Variants in PTPRF observed in about 807,000 individuals in gnomAD.
PTPRF encodes the protein protein tyrosine phosphatase receptor type F, also known as receptor-type tyrosine-protein phosphatase F.
PTPRF carries 59 observed loss-of-function variants against 201.8 expected under a neutral mutation model. That is an observed-to-expected ratio of 0.29 (90% CI 0.24 to 0.36). The LOEUF (loss-of-function observed/expected upper bound fraction) is 0.36, where lower values mean the gene tolerates loss of function less well. Among genes scored for constraint, PTPRF ranks in the 10% least tolerant of loss-of-function variants. The probability of loss-of-function intolerance (pLI) is 1.00; values close to 1 mark genes in which losing one functional copy is unlikely to be tolerated. For synonymous variants in PTPRF, 1,088 were observed against 1,089.7 expected, an observed-to-expected ratio of 1.00 and a Z score of 0.03; for missense variants, 2,132 against 2,690.5, an observed-to-expected ratio of 0.79 and a Z score of 4.59.
chr1:43,619,151 G>A lies in PTPRF; in HGVS notation c.4595G>A (p.Arg1532Gln), dbSNP rs755881493. The A allele has an allele frequency of 1.2e-5, 20 of 1,613,634 alleles. No individual in the cohort carries two copies. The highest frequency in any genetic ancestry group is 6.7e-5 in the East Asian group (3 of 44,852). Reference sequence around the variant, plus strand: ...ACTCCCATCCTGGCCTTCCTACGACGGGTCAAGGCCTGCAACCCCCTAGAC... The same window carrying A: ...ACTCCCATCCTGGCCTTCCTACGACAGGTCAAGGCCTGCAACCCCCTAGAC... ...YPTPILAFLR[R>Q]VKACNPLDAG... The change falls in exon 27 of 34, where the codon CGG (arginine) becomes CAG (glutamine). Residue 1532 changes from arginine (R) to glutamine (Q), a missense_variant. Coordinates refer to ENST00000359947, the MANE Select transcript of PTPRF (RefSeq NM_002840.5).
rs193278227 is a variant in PTPRF at position 43,592,327 on chromosome 1, C to T, written c.1669-130C>T. Reference sequence around the variant, plus strand: ...TGAGTTCCTTTTGTGCTCCATGTGGCCTTATGGTGTGGAGCCAGTCCTGGA... The same window carrying T: ...TGAGTTCCTTTTGTGCTCCATGTGGTCTTATGGTGTGGAGCCAGTCCTGGA... On this transcript the variant is annotated intron_variant, in intron 10 of 33. Coordinates refer to ENST00000359947, the MANE Select transcript of PTPRF (RefSeq NM_002840.5). 8.1e-4 allele frequency: 935 copies of T among 1,155,506 alleles called. 6 individuals carry two copies. The African/African-American group carries it at 0.013, about 16-fold the overall frequency. The allele number at this position is 1,155,506 out of a possible 1,614,324, so 71.6% of individuals were successfully genotyped here. A position where few individuals can be genotyped will look rare whatever the true frequency, so the allele number is the denominator to read the frequency against.
At chr1:43,528,037 C>T (rs778889084), upstream of PTPRF, among the ~76,000 whole-genome samples, 2 of 152,308 alleles carry the variant, frequency 1.3e-5, no homozygotes, top group East Asian at 1.9e-4. Flanking sequence ...ACTCATTTCT[C>T]CTGCCTGCAA....
At chr1:43,566,461 C>A (rs1038592397) in intron 5 of PTPRF, among the ~76,000 whole-genome samples, 1 of 152,232 alleles carries the variant, frequency 6.6e-6, no homozygotes, top group Non-Finnish European at 1.5e-5. Flanking sequence ...CATGTGACAT[C>A]ATCTGAGGAG....
chr1:43,597,833 C>G lies in PTPRF; in HGVS notation c.1899C>G (p.Asp633Glu). Residue 633 changes from aspartate to glutamate, a missense_variant, in exon 12 of 34, where the codon GAC becomes GAG. Around this residue, in one of 6 missense-constraint regions of PTPRF, gnomAD observed 125 missense variants for 211.9 expected, o/e 0.59. Coordinates refer to ENST00000359947, the MANE Select transcript of PTPRF (RefSeq NM_002840.5). The part of the protein sequence containing the change: ...VRVSWVPPPA[D>E]SRNGVITQYS... ...TAAGTTGGGTCCCGCCGCCTGCCGA[C>G]AGCCGCAACGGCGTTATCACCCAGT... The G allele has an allele frequency of 6.2e-7, 1 of 1,608,688 alleles. No homozygotes were observed. Among genetic ancestry groups the G allele is most frequent in the Admixed American group, 1.7e-5 (1 of 59,452 alleles).
intron 5 of PTPRF, among the ~76,000 whole-genome samples, chr1:43,557,557 C>T (rs778359527): frequency 4.6e-5 from 7 of 151,814 alleles, no homozygotes; most frequent in Non-Finnish European, 7.4e-5. Flanking sequence ...TTGCTTGAAC[C>T]CAGGAGGAGG....
At chr1:43,568,387 C>G (rs1646335289) in intron 5 of PTPRF, among the ~76,000 whole-genome samples, 1 of 152,148 alleles carries the variant, frequency 6.6e-6, no homozygotes, top group African/African-American at 2.4e-5. Context: ...GTTCCCGACT[C>G]TAGTCTCAAT....
intron 12 of PTPRF, 87 bp downstream of exon 12, chr1:43,598,140 C>T (rs1478235271): frequency 3.1e-6 from 4 of 1,304,244 alleles, no homozygotes; most frequent in Non-Finnish European, 4.0e-6. Context: ...TTCCTGAACA[C>T]AGGCCCAGGT....
At chr1:43,572,936 C>T (rs148937105) in intron 6 of PTPRF, among the ~76,000 whole-genome samples, 4 of 152,052 alleles carry the variant, frequency 2.6e-5, no homozygotes, top group African/African-American at 7.2e-5. Flanking sequence ...CAGAGCTGCA[C>T]ATTCCCAGCT....
At chr1:43,616,452 CA>C (rs1418965100) in intron 23 of PTPRF, among the ~76,000 whole-genome samples, 1 of 151,236 alleles carries the variant, frequency 6.6e-6, no homozygotes, top group Non-Finnish European at 1.5e-5. Context: ...CAGAGTGGGA[CA>C]AGAGGAAAGA....
At chr1:43,602,230 T>G (rs547396188) in intron 14 of PTPRF, 133 bp downstream of exon 14, 1 of 1,154,470 alleles carries the variant, frequency 8.7e-7, no homozygotes, top group East Asian at 2.4e-5. Context: ...AGGAGAAAAT[T>G]GGCGTTTAGA....
At chr1:43,522,858 G>A (rs1642995226), upstream of PTPRF, among the ~76,000 whole-genome samples, 1 of 152,192 alleles carries the variant, frequency 6.6e-6, no homozygotes, top group Non-Finnish European at 1.5e-5. Context: ...CCATGTGGAG[G>A]AGCTGGCTCC....
At chr1:43,534,012 A>T (rs1304416925) in intron 1 of PTPRF, among the ~76,000 whole-genome samples, 3 of 152,182 alleles carry the variant, frequency 2.0e-5, no homozygotes, top group Non-Finnish European at 4.4e-5. Flanking sequence ...GCAAGAGTTC[A>T]TCAAGAGACG....
intron 5 of PTPRF, among the ~76,000 whole-genome samples, chr1:43,558,087 A>C (rs988987224): frequency 6.6e-6 from 1 of 152,080 alleles, no homozygotes; most frequent in African/African-American, 2.4e-5. Flanking sequence ...TGGGGCCGGC[A>C]GGAGCCAGGG....
Position 43,552,500 on chromosome 1 carries a change from C to T in PTPRF, c.92-992C>T, listed in dbSNP as rs111821145. Among the ~76,000 whole-genome samples, 963 of 152,322 alleles carry T rather than the reference C, an allele frequency of 6.3e-3. 12 individuals carry two copies. The highest frequency in any genetic ancestry group is 0.022 in the African/African-American group (912 of 41,554). ...GGCAAAGGATTGTCATCATCGCACA[C>T]GTTTCTGTGCCAGGGACCAGGCTGG... On this transcript the variant is annotated intron_variant, in intron 3 of 33. Transcript: ENST00000359947.
At chr1:43,578,977 G>C (rs200227010) in intron 7 of PTPRF, 57 bp downstream of exon 7, 6 of 1,534,078 alleles carry the variant, frequency 3.9e-6, no homozygotes, top group Non-Finnish European at 5.4e-6. Flanking sequence ...TGCACCTGCC[G>C]GGCTCTCTGC....
chr1:43,550,078 C>T (rs553714215), intron 3 of PTPRF, among the ~76,000 whole-genome samples: 173 of 147,048 alleles, frequency 1.2e-3, no homozygotes, highest in Non-Finnish European at 1.9e-3. Context: ...AAGCGGAGGG[C>T]GAGGCCTGGT....
intron 8 of PTPRF, among the ~76,000 whole-genome samples, chr1:43,589,710 A>C (rs1382210255): frequency 2.0e-5 from 3 of 151,430 alleles, no homozygotes; most frequent in South Asian, 2.1e-4. Context: ...AAAAAAAAAA[A>C]AAAAAACTGG....
At position 43,606,428 on chromosome 1, in the gene PTPRF, G is replaced by C; in HGVS notation, c.3672G>C (p.Val1224=). The C allele has an allele frequency of 1.2e-6, 2 of 1,614,044 alleles. No individual in the cohort carries two copies. Among genetic ancestry groups the C allele is most frequent in the Non-Finnish European group, 1.7e-6 (2 of 1,179,974 alleles). The change falls in exon 20 of 34, where the codon GTG becomes GTC. Residue 1224 remains valine (V), a synonymous_variant. Transcript: ENST00000359947. ...LSPDLSYQCF[V]LASLKEPMDQ... ...CGGACTTGAGCTACCAGTGCTTTGT[G>C]CTTGCCTCCTTGAAGGAACCCATGG...
chr1:43,620,009 G>C, intron 29 of PTPRF, 86 bp from the exon 30 acceptor site: 2 of 1,589,464 alleles, frequency 1.3e-6, no homozygotes, highest in East Asian at 4.5e-5. Flanking sequence ...GGTGATCTGA[G>C]CAGGGCCCCA....
Sources: gnomAD v4.1 joint callset for allele counts (sites outside exome capture counted in the v4.1 genomes callset) on GRCh38, gnomAD v4.1.1 for gene constraint, gnomAD v4.1.1 regional missense constraint, MANE v1.5 for transcripts, NCBI Gene and HGNC (gene_info 2026-07-23, HGNC 2026-07-21) for gene names.